WDPCP: variants seen among roughly 807,000 people sequenced by gnomAD.
The protein encoded by WDPCP is WD repeat-containing and planar cell polarity effector protein fritz homolog.
Under a neutral mutation model 93.1 loss-of-function variants are expected in WDPCP, and 71 were observed. That is an observed-to-expected ratio of 0.76 (90% confidence interval 0.63 to 0.93). The LOEUF is 0.93. Ranked by LOEUF, WDPCP falls within the 40% of genes least tolerant of loss-of-function variation. The pLI, the probability that WDPCP is intolerant of heterozygous loss-of-function variation, is 0.00. For synonymous variants in WDPCP, 315 were observed against 315.0 expected, an observed-to-expected ratio of 1.00 and a Z score of 0.00; for missense variants, 844 against 887.4, an observed-to-expected ratio of 0.95 and a Z score of 0.62.
intron 13 of WDPCP, among the ~76,000 whole-genome samples, chr2:63,284,359 G>C (rs1437093143): frequency 6.6e-6 from 1 of 152,146 alleles, no homozygotes; most frequent in African/African-American, 2.4e-5. Context: ...ACTGTGCATG[G>C]TTTTATTTTT....
chr2:63,425,401 A>C lies in WDPCP; in HGVS notation c.825+8344T>G, dbSNP rs1258879156. Among the ~76,000 whole-genome samples, 3 of 152,236 alleles carry C rather than the reference A, an allele frequency of 2.0e-5. No homozygotes were observed. In the East Asian group the frequency reaches 5.8e-4, roughly 29 times the overall value. On this transcript the variant is annotated intron_variant, in intron 9 of 17. Transcript: ENST00000272321. ...GATTGAAGCAACAGAAATGGCAGAC[A>C]TAGAATTCAGAATCTGGGTGGCAAT...
chr2:63,622,440 C>T, intron 3 of WDPCP: 4 of 1,613,880 alleles, frequency 2.5e-6, no homozygotes, highest in Non-Finnish European at 3.4e-6. Context: ...AGAGGAGACC[C>T]AGGCTTCCCG....
chr2:63,728,524 C>T (rs1669520235), intron 2 of WDPCP, among the ~76,000 whole-genome samples: 1 of 152,158 alleles, frequency 6.6e-6, no homozygotes, highest in Non-Finnish European at 1.5e-5. Context: ...TGCTTTTTGA[C>T]AAATGTGATA....
chr2:63,570,012 T>C (rs1037020577), intron 1 of WDPCP, among the ~76,000 whole-genome samples: 12 of 152,304 alleles, frequency 7.9e-5, no homozygotes, highest in African/African-American at 2.9e-4. Flanking sequence ...CTTCTGTTAG[T>C]AGGGCCATTT....
At chr2:63,530,313 T>C (rs10175463) in intron 1 of WDPCP, among the ~76,000 whole-genome samples, 10,563 of 152,268 alleles carry the variant, frequency 0.069, 1,112 homozygotes, top group African/African-American at 0.23. Flanking sequence ...TTTTAGATCT[T>C]TCCTGCTTTC....
chr2:63,371,039 T>C (rs1413338251), intron 12 of WDPCP, among the ~76,000 whole-genome samples: 5 of 152,142 alleles, frequency 3.3e-5, no homozygotes, highest in Non-Finnish European at 7.4e-5. Context: ...TTTCCCTTCA[T>C]AGCCCTGTCT....
chr2:63,233,653 C>T (rs985092365), intron 14 of WDPCP: 3 of 153,632 alleles, frequency 2.0e-5, no homozygotes, highest in African/African-American at 7.2e-5. Flanking sequence ...TGAAGCCAAG[C>T]CTCCTGGCAA....
intron 1 of WDPCP, among the ~76,000 whole-genome samples, chr2:63,516,756 G>A (rs1702579737): frequency 6.6e-6 from 1 of 152,034 alleles, no homozygotes; most frequent in South Asian, 2.1e-4. Flanking sequence ...CACAGAAACT[G>A]TGAGGATAAT....
At chr2:63,457,234 T>C (rs1698687578) in intron 6 of WDPCP, among the ~76,000 whole-genome samples, 2 of 151,138 alleles carry the variant, frequency 1.3e-5, no homozygotes, top group Non-Finnish European at 3.0e-5. Context: ...CTAGAGGAAA[T>C]GGATAAATTG....
At chr2:63,309,803 A>AG (rs980232143) in intron 13 of WDPCP, among the ~76,000 whole-genome samples, 4 of 152,172 alleles carry the variant, frequency 2.6e-5, no homozygotes, top group African/African-American at 9.7e-5. Flanking sequence ...AACAAAAAAA[A>AG]ACCCCAGTTT....
intron 17 of WDPCP, among the ~76,000 whole-genome samples, chr2:63,126,556 C>A (rs1669913944): frequency 6.6e-6 from 1 of 152,022 alleles, no homozygotes; most frequent in African/African-American, 2.4e-5. Flanking sequence ...TCAAAGTAAA[C>A]CTATTTCACT....
At chr2:63,373,176 C>T (rs1436301355) in intron 12 of WDPCP, among the ~76,000 whole-genome samples, 2 of 151,852 alleles carry the variant, frequency 1.3e-5, no homozygotes, top group Non-Finnish European at 2.9e-5. Flanking sequence ...TATATTAGCC[C>T]TCTTTGGAGT....
chr2:63,840,510 TC>T, the WDPCP span, among the ~76,000 whole-genome samples: 2 of 152,150 alleles, frequency 1.3e-5, no homozygotes, highest in African/African-American at 2.4e-5. Flanking sequence ...GCCTAAACCC[TC>T]CTTTTGTTAG....
chr2:63,641,449 A>C (rs1044228425), intron 3 of WDPCP, among the ~76,000 whole-genome samples: 1 of 152,116 alleles, frequency 6.6e-6, no homozygotes, highest in South Asian at 2.1e-4. Context: ...CCTTGCCAGC[A>C]TTTCTTATTG....
chr2:63,351,306 G>T (rs1046053019), intron 12 of WDPCP, among the ~76,000 whole-genome samples: 5 of 152,060 alleles, frequency 3.3e-5, no homozygotes, highest in African/African-American at 1.2e-4. Context: ...GATAAAGGAG[G>T]TACATGTGCA....
rs142040515 is a variant in WDPCP, at chr2:63,374,655, G to A, written c.1748+3731C>T. ...CATATATATTTTACATAAGCTAAAA[G>A]CCATTTCCAAAAGACTGCCCTTTTT... On this transcript the variant is annotated intron_variant, in intron 12 of 17. Transcript: ENST00000272321. 3.4e-3 allele frequency among the ~76,000 whole-genome samples: 525 copies of A among 152,184 alleles called. 6 individuals carry two copies. Among genetic ancestry groups the A allele is most frequent in the Middle Eastern group, 0.02 (6 of 294 alleles).
chr2:63,177,845 C>T (rs185956564), intron 14 of WDPCP, among the ~76,000 whole-genome samples: 92 of 152,172 alleles, frequency 6.0e-4, no homozygotes, highest in African/African-American at 2.0e-3. Flanking sequence ...ACTGATGTTA[C>T]CTGTGGTCTT....
At chr2:63,557,990 T>C (rs1390293588) in intron 1 of WDPCP, among the ~76,000 whole-genome samples, 1 of 152,084 alleles carries the variant, frequency 6.6e-6, no homozygotes, top group East Asian at 1.9e-4. Flanking sequence ...GGGGCACAGC[T>C]GAAGCAGTGT....
chr2:63,187,279 A>C (rs1277609893), intron 14 of WDPCP, among the ~76,000 whole-genome samples: 1 of 152,312 alleles, frequency 6.6e-6, no homozygotes, highest in Middle Eastern at 3.4e-3. Context: ...TCTATGCAGC[A>C]TATCACTGGA....
Sources: gnomAD v4.1 joint callset for allele counts (sites outside exome capture counted in the v4.1 genomes callset) on GRCh38, gnomAD v4.1.1 for gene constraint, MANE v1.5 for transcripts, NCBI Gene and HGNC (gene_info 2026-07-23, HGNC 2026-07-21) for gene names.